The following CDH16 variants were observed in gnomAD, a reference collection of about 807,000 sequenced individuals.
CDH16 encodes cadherin-16.
Under a neutral mutation model 87.6 loss-of-function variants are expected in CDH16, and 79 were observed. That is an observed-to-expected ratio of 0.90 (90% CI 0.75 to 1.09). CDH16 has a LOEUF of 1.09. Ranked by LOEUF, CDH16 falls within the 50% of genes least tolerant of loss-of-function variation. The probability of loss-of-function intolerance (pLI) is 0.00; values close to 1 mark genes in which losing one functional copy is unlikely to be tolerated. For synonymous variants in CDH16, 457 were observed against 439.5 expected, an observed-to-expected ratio of 1.04 and a Z score of -0.50; for missense variants, 1,124 against 1,071.7, an observed-to-expected ratio of 1.05 and a Z score of -0.68.
Position 66,912,731 on chromosome 16 carries a change from GA to G in CDH16, c.1214del (p.Leu405ProfsTer53), listed in dbSNP as rs1296678753. ...GGATGTTCTGGCCTGCTCGGAGTGG[GA>G]GCACCCCCAGCGTCACACTGCCTGA... ...PTSGSVTLGV[L>X]PLRAGQNILL... On this transcript the variant is annotated frameshift_variant, in exon 10 of 18. Transcript: ENST00000299752. LOFTEE classifies it high-confidence loss of function. 1.2e-6 allele frequency: 2 copies of G among 1,613,754 alleles called. No homozygotes were observed. Among genetic ancestry groups the G allele is most frequent in the Admixed American group, 1.7e-5 (1 of 59,992 alleles).
chr16:66,910,158 C>T, intron 15 of CDH16, 65 bp from the exon 16 acceptor site: 3 of 1,563,376 alleles, frequency 1.9e-6, no homozygotes, highest in East Asian at 2.3e-5. Context: ...GGCTGCTCCC[C>T]CTAGGCCTAG....
At chr16:66,914,625 G>A (rs548587177) in intron 6 of CDH16, among the ~76,000 whole-genome samples, 82 of 152,320 alleles carry the variant, frequency 5.4e-4, no homozygotes, top group South Asian at 1.7e-3. Context: ...TCCACACAAC[G>A]AATGCGTGAT....
intron 7 of CDH16, 77 bp from the exon 8 acceptor site, chr16:66,913,690 G>C: frequency 2.6e-6 from 4 of 1,563,522 alleles, no homozygotes; most frequent in Non-Finnish European, 3.5e-6. Context: ...TCTCGTTGAG[G>C]AGCCTGAGCC....
chr16:66,917,608 T>TCC, intron 3 of CDH16, 34 bp downstream of exon 3: 1 of 1,500,292 alleles, frequency 6.7e-7, no homozygotes, highest in Non-Finnish European at 9.3e-7. Context: ...CGGGGAGGGA[T>TCC]CCCCCCGGCC....
chr16:66,918,348 A>G (rs973859474), intron 1 of CDH16, among the ~76,000 whole-genome samples: 1 of 152,174 alleles, frequency 6.6e-6, no homozygotes, highest in Non-Finnish European at 1.5e-5. Flanking sequence ...TTCTCACCAT[A>G]GCCTCCCCAG....
chr16:66,912,955 T>C, intron 9 of CDH16, 64 bp from the exon 10 acceptor site: 2 of 1,490,232 alleles, frequency 1.3e-6, no homozygotes, highest in Non-Finnish European at 1.8e-6. Context: ...CCCCACCCAC[T>C]CCTTATTTTG....
chr16:66,912,372 G>A lies in CDH16; in HGVS notation c.1418C>T (p.Thr473Ile). 6.2e-7 allele frequency: 1 copy of A among 1,614,180 alleles called. No homozygotes were observed. The change falls in exon 12 of 18, where the codon ACA (threonine) becomes ATA (isoleucine). Residue 473 changes from threonine (T) to isoleucine (I), a missense_variant. By Grantham distance (89) the Thr-to-Ile change is moderately conservative. Transcript: ENST00000299752. ...GGGCTCGAGGTCAGCATCAATGGCT[G>A]TTAGCATGGCCACCAGAGTCCCGGG... Reference protein sequence around the residue: ...VEPGTLVAMLTAIDADLEPAF... With the variant: ...VEPGTLVAMLIAIDADLEPAF...
Position 66,916,239 on chromosome 16 carries a change from T to TGCTCTCCCC in CDH16, c.285+34_285+35insGGGGAGAGC. On this transcript the variant is annotated intron_variant, in intron 4 of 17. Transcript: ENST00000299752. This position sits in a 1 kb window ranked among gnomAD's most constrained non-coding sequence, Gnocchi z 4.1. ...AGGGGAGTCAGCGTCTGGCTCTGCC[T>TGCTCTCCCC]TGCCTGCTCTCCCCTACACCTGGCC... The TGCTCTCCCC allele has an allele frequency of 6.2e-7, 1 of 1,614,188 alleles. No homozygotes were observed. Among genetic ancestry groups the TGCTCTCCCC allele is most frequent in the Non-Finnish European group, 8.5e-7 (1 of 1,179,988 alleles).
chr16:66,912,478 A>G (rs768005518), intron 11 of CDH16, 26 bp downstream of exon 11: 10 of 1,613,984 alleles, frequency 6.2e-6, no homozygotes, highest in African/African-American at 1.3e-5. Context: ...ATCCTTCCCA[A>G]GGCCTTCTCC....
In CDH16 at chr16:66,912,743, C is replaced by A; in HGVS notation, c.1203G>T (p.Thr401=). Residue 401 remains threonine (T), a synonymous_variant, in exon 10 of 18, where the codon ACG becomes ACT. Coordinates refer to ENST00000299752, the MANE Select transcript of CDH16 (RefSeq NM_004062.4). ...FQVDPTSGSV[T]LGVLPLRAGQ... ...CTGCTCGGAGTGGGAGCACCCCCAG[C>A]GTCACACTGCCTGAAGTGGGGTCCA... 1.9e-6 allele frequency: 3 copies of A among 1,613,806 alleles called. No homozygotes were observed. Among genetic ancestry groups the A allele is most frequent in the Non-Finnish European group, 2.5e-6 (3 of 1,180,026 alleles).
Position 66,916,060 on chromosome 16 carries a change from C to T in CDH16, c.424+5G>A. ...TACTGTAAATTGGCTGCCCTGGTCA[C>T]TCACCAGGCCTGGTACCCCGGCTCA... On this transcript the variant is annotated splice_donor_5th_base_variant and intron_variant, in intron 5 of 17. Coordinates refer to ENST00000299752, the MANE Select transcript of CDH16 (RefSeq NM_004062.4). This position sits in a 1 kb window ranked among gnomAD's most constrained non-coding sequence, Gnocchi z 4.1. 1 of 1,614,174 alleles carries T rather than the reference C, an allele frequency of 6.2e-7. No homozygotes were observed. The highest frequency in any genetic ancestry group is 8.5e-7 in the Non-Finnish European group (1 of 1,180,048).
In CDH16 at chr16:66,910,425, C is replaced by A; in HGVS notation, c.2002G>T (p.Ala668Ser). Reference sequence around the variant, plus strand: ...CAGAGGTATTGGGAGGGCACAGGGGCAAGAGTCAGGGCTGGGGCAGGAGGG... The same window carrying A: ...CAGAGGTATTGGGAGGGCACAGGGGAAAGAGTCAGGGCTGGGGCAGGAGGG... ...KAPPAPALTL[A>S]PVPSQYLCTP... Residue 668 changes from alanine (A) to serine (S), a missense_variant, in exon 15 of 18, where the codon GCC becomes TCC. Transcript: ENST00000299752. 2 of 1,603,458 alleles carry A rather than the reference C, an allele frequency of 1.2e-6. No individual in the cohort carries two copies. The highest frequency in any genetic ancestry group is 8.5e-7 in the Non-Finnish European group (1 of 1,173,782).
At position 66,908,292 on chromosome 16, in the gene CDH16, C is replaced by T. The variant is rs1962244926; in HGVS notation, c.*100G>A. On this transcript the variant is annotated 3_prime_UTR_variant, in exon 18 of 18. Coordinates refer to ENST00000299752, the MANE Select transcript of CDH16 (RefSeq NM_004062.4). ...CCCAGGGCAGATGGAGGGGCTTCTA[C>T]TCTGTCCTGTCCCCTGCTGGATCTT... 1 of 960,320 alleles carries T rather than the reference C, an allele frequency of 1.0e-6. No individual in the cohort carries two copies. The highest frequency in any genetic ancestry group is 1.6e-6 in the Non-Finnish European group (1 of 606,682). The allele number at this position is 960,320 out of a possible 1,614,324, so 59.5% of individuals were successfully genotyped here.
At position 66,909,346 on chromosome 16, in the gene CDH16, C is replaced by T. The variant is rs769932579; in HGVS notation, c.2313G>A (p.Met771Ile). The T allele has an allele frequency of 6.2e-7, 1 of 1,601,610 alleles. No individual in the cohort carries two copies. The highest frequency in any genetic ancestry group is 1.7e-5 in the Admixed American group (1 of 59,578). ...TGCCCTTCATGCGGCCCACCTTGCG[C>T]ATGCACTGCCCCTCCACGTTGCAGC... The part of the protein sequence containing the change: ...VCRCNVEGQC[M>I]RKVGRMKGMP... Residue 771 changes from methionine to isoleucine, a missense_variant, in exon 17 of 18, where the codon ATG becomes ATA. Physicochemically the swap from Met to Ile is conservative, Grantham distance 10 (BLOSUM62 1). Coordinates refer to ENST00000299752, the MANE Select transcript of CDH16 (RefSeq NM_004062.4). The surrounding 1 kb of genome is among the most constrained non-coding windows in gnomAD (Gnocchi z 4.1).
At chr16:66,910,687 C>G in intron 14 of CDH16, 185 bp from the exon 15 acceptor site, 1 of 620,672 alleles carries the variant, frequency 1.6e-6, no homozygotes, top group South Asian at 4.2e-5. Context: ...TTTGGCGGAG[C>G]TCACTGCTGC....
rs934218558 is a variant in CDH16, at chr16:66,909,728, G to A, written c.2275+258C>T. ...GAAGAATTGCTTGAATCTGGGAGGCGGAAGTTGTAGTGAGCCGAGATCATG... is the reference window on the plus strand; with the variant it reads ...GAAGAATTGCTTGAATCTGGGAGGCAGAAGTTGTAGTGAGCCGAGATCATG... On this transcript the variant is annotated intron_variant, in intron 16 of 17. Transcript: ENST00000299752. This position sits in a 1 kb window ranked among gnomAD's most constrained non-coding sequence, Gnocchi z 4.1. Among the ~76,000 whole-genome samples the A allele has an allele frequency of 6.6e-5, 10 of 152,076 alleles. No homozygotes were observed. Among genetic ancestry groups the A allele is most frequent in the East Asian group, 1.9e-4 (1 of 5,182 alleles).
Position 66,916,525 on chromosome 16 carries a change from A to C in CDH16, c.130-96T>G. 5 of 1,367,298 alleles carry C rather than the reference A, an allele frequency of 3.7e-6. No individual in the cohort carries two copies. Among genetic ancestry groups the C allele is most frequent in the Non-Finnish European group, 4.9e-6 (5 of 1,025,678 alleles). The allele number at this position is 1,367,298 out of a possible 1,614,324, so 84.7% of individuals were successfully genotyped here. A position where few individuals can be genotyped will look rare whatever the true frequency, so the allele number is the denominator to read the frequency against. ...CCTCATTTTACATGTGGGGAAACTG[A>C]GTCTCAGAGACATCTGGCTCCTGTC... On this transcript the variant is annotated intron_variant, in intron 3 of 17. Coordinates refer to ENST00000299752, the MANE Select transcript of CDH16 (RefSeq NM_004062.4). The surrounding 1 kb of genome is among the most constrained non-coding windows in gnomAD (Gnocchi z 4.1).
intron 8 of CDH16, 60 bp from the exon 9 acceptor site, chr16:66,913,341 C>T (rs949324778): frequency 2.8e-5 from 43 of 1,551,200 alleles, no homozygotes; most frequent in Non-Finnish European, 3.7e-5. Flanking sequence ...CCTTGCCTGG[C>T]TCTGAGTTTC....
chr16:66,915,618 TG>T (rs2145467957), intron 5 of CDH16, among the ~76,000 whole-genome samples: 1 of 152,236 alleles, frequency 6.6e-6, no homozygotes, highest in East Asian at 1.9e-4. Context: ...ATGGGCCAGG[TG>T]CAGTGGCTCA....
Sources: gnomAD v4.1 joint callset for allele counts (sites outside exome capture counted in the v4.1 genomes callset) on GRCh38, gnomAD v4.1.1 for gene constraint, Gnocchi (gnomAD v3.1) non-coding constraint, MANE v1.5 for transcripts, NCBI Gene and HGNC (gene_info 2026-07-23, HGNC 2026-07-21) for gene names.